The following STK3 variants were observed in gnomAD, a reference collection of about 807,000 sequenced individuals.
STK3 encodes serine/threonine-protein kinase 3.
Under a neutral mutation model 58.0 loss-of-function variants are expected in STK3, and 41 were observed. The observed-to-expected ratio is 0.71, with a 90% CI of 0.55 to 0.92. The LOEUF is 0.92. STK3 is among the 40% of genes least tolerant of loss of function. The probability of loss-of-function intolerance (pLI) is 0.00; values close to 1 mark genes in which losing one functional copy is unlikely to be tolerated. For synonymous variants in STK3, 170 were observed against 191.0 expected, an observed-to-expected ratio of 0.89 and a Z score of 0.91; for missense variants, 479 against 602.7, an observed-to-expected ratio of 0.79 and a Z score of 2.15.
intron 3 of STK3, among the ~76,000 whole-genome samples, chr8:98,869,034 G>GGAAGGAAA (rs1837254885): frequency 2.2e-5 from 2 of 92,220 alleles, no homozygotes; most frequent in South Asian, 3.3e-4. Context: ...AAGGAAGGAA[G>GGAAGGAAA]GAAGGAAGGA....
intron 9 of STK3, among the ~76,000 whole-genome samples, chr8:98,546,405 G>T (rs1020741037): frequency 3.9e-5 from 6 of 152,142 alleles, no homozygotes; most frequent in Admixed American, 1.3e-4. Context: ...ATATGCTGAT[G>T]TTCAACTATA....
At chr8:98,367,354 T>A (rs1817574029), downstream of STK3, among the ~76,000 whole-genome samples, 1 of 152,032 alleles carries the variant, frequency 6.6e-6, no homozygotes, top group Non-Finnish European at 1.5e-5. Flanking sequence ...TGGGGGTGAG[T>A]GCTTAGGGAT....
At chr8:98,726,100 C>T (rs985647200) in intron 4 of STK3, among the ~76,000 whole-genome samples, 24 of 152,140 alleles carry the variant, frequency 1.6e-4, no homozygotes, top group Admixed American at 1.5e-3. Context: ...ACAGATCTGG[C>T]AATGACAGGC....
chr8:98,757,930 T>A (rs1326847627), intron 3 of STK3, among the ~76,000 whole-genome samples: 2 of 152,214 alleles, frequency 1.3e-5, no homozygotes, highest in African/African-American at 2.4e-5. Flanking sequence ...AAACATGATG[T>A]TGTTCATTCT....
At chr8:98,647,977 A>G (rs1820534525) in intron 6 of STK3, among the ~76,000 whole-genome samples, 1 of 152,182 alleles carries the variant, frequency 6.6e-6, no homozygotes, top group Admixed American at 6.5e-5. Context: ...ATGCACTGTC[A>G]GTATTCTACT....
rs1467031176 is a variant in STK3 at position 98,915,876 on chromosome 8, T to C, written c.-79+26502A>G. Among the ~76,000 whole-genome samples, 4 of 152,102 alleles carry C rather than the reference T, an allele frequency of 2.6e-5. No individual in the cohort carries two copies. The East Asian group carries it at 7.7e-4, about 29-fold the overall frequency. ...TCATATTTCCTTTACTAGTGACCAA[T>C]ATCATTTTACCTATCTATTTTAGGA... On this transcript the variant is annotated intron_variant, in intron 1 of 1. Transcript: ENST00000519420.
chr8:98,648,002 AT>A (rs1820537111), intron 6 of STK3, among the ~76,000 whole-genome samples: 1 of 152,170 alleles, frequency 6.6e-6, no homozygotes, highest in African/African-American at 2.4e-5. Flanking sequence ...CTTTATTCAA[AT>A]ACAAGCCTAT....
chr8:98,486,164 T>C (rs1822237903), intron 10 of STK3, among the ~76,000 whole-genome samples: 1 of 152,206 alleles, frequency 6.6e-6, no homozygotes, highest in African/African-American at 2.4e-5. Context: ...CTTTAACATA[T>C]AGTTTCCTTA....
In STK3 at chr8:98,511,967, T is replaced by A. The variant is rs556038752; in HGVS notation, c.1317+14775A>T. 6.5e-3 allele frequency among the ~76,000 whole-genome samples: 989 copies of A among 152,132 alleles called. 4 individuals are homozygous for A. The highest frequency in any genetic ancestry group is 9.2e-3 in the Non-Finnish European group (627 of 68,000). On this transcript the variant is annotated intron_variant, in intron 10 of 10. Coordinates refer to ENST00000419617, the MANE Select transcript of STK3 (RefSeq NM_006281.4). ...AATCCCACTTGCATAATTTTTTTTT[T>A]AAATTTTTTAATTATTATTACACTT...
chr8:98,456,025 A>G (rs747362828), intron 10 of STK3, 25 bp from the exon 11 acceptor site: 39 of 1,575,484 alleles, frequency 2.5e-5, no homozygotes, highest in South Asian at 8.1e-5. Context: ...AAAGATACCA[A>G]TACAATGAAA....
Position 98,818,538 on chromosome 8 carries a change from ATGTGTGTGTGTG to A in STK3, c.26+6965_26+6976del, listed in dbSNP as rs72513007. Reference sequence around the variant, plus strand: ...ATTAGCTGCCAATTATAAATTATAAATGTGTGTGTGTGTGTGTGTGTGTGTGTGTGTGTGTAT... The same window carrying A: ...ATTAGCTGCCAATTATAAATTATAAATGTGTGTGTGTGTGTGTGTGTGTAT... On this transcript the variant is annotated intron_variant, in intron 1 of 10. Coordinates refer to ENST00000419617, the MANE Select transcript of STK3 (RefSeq NM_006281.4). Among the ~76,000 whole-genome samples, 224 of 145,418 alleles carry A rather than the reference ATGTGTGTGTGTG, an allele frequency of 1.5e-3. 1 individual carries two copies. Among genetic ancestry groups the A allele is most frequent in the African/African-American group, 5.0e-3 (199 of 39,522 alleles).
At chr8:98,403,626 AG>A (rs1225733378) in intron 3 of STK3, among the ~76,000 whole-genome samples, 1 of 146,422 alleles carries the variant, frequency 6.8e-6, no homozygotes, top group African/African-American at 2.4e-5. Flanking sequence ...GCCCCTGGGG[AG>A]GGGGACAGGG....
intron 1 of STK3, among the ~76,000 whole-genome samples, chr8:98,382,883 C>T (rs1586543496): frequency 1.3e-5 from 2 of 152,198 alleles, no homozygotes; most frequent in South Asian, 4.1e-4. Flanking sequence ...GCTTGGGCTC[C>T]GTCCTGCATG....
intron 1 of STK3, among the ~76,000 whole-genome samples, chr8:98,929,971 G>C (rs763053787): frequency 6.6e-6 from 1 of 152,184 alleles, no homozygotes; most frequent in Non-Finnish European, 1.5e-5. Flanking sequence ...GTGCTAGCAT[G>C]CACTTTGATT....
the STK3 span, among the ~76,000 whole-genome samples, chr8:98,359,978 C>T: frequency 1.3e-5 from 2 of 152,142 alleles, no homozygotes; most frequent in South Asian, 2.1e-4. Flanking sequence ...GTAAACAGTG[C>T]TGGGGACGTT....
At chr8:98,784,834 G>A (rs1832357850) in intron 1 of STK3, among the ~76,000 whole-genome samples, 1 of 152,100 alleles carries the variant, frequency 6.6e-6, no homozygotes. Context: ...CTGTGCAGGG[G>A]GGCCCTCTCT....
At chr8:98,373,438 T>C (rs1347878237) in intron 2 of STK3, among the ~76,000 whole-genome samples, 1 of 152,244 alleles carries the variant, frequency 6.6e-6, no homozygotes, top group African/African-American at 2.4e-5. Flanking sequence ...GCTTATTCTC[T>C]TACATTCCTG....
At chr8:98,630,891 G>A (rs1458849029) in intron 6 of STK3, among the ~76,000 whole-genome samples, 4 of 151,512 alleles carry the variant, frequency 2.6e-5, no homozygotes, top group Non-Finnish European at 5.9e-5. Context: ...TGTTTTAAGA[G>A]ATAAACCTGA....
chr8:98,555,828 G>A (rs1044972463), intron 8 of STK3, among the ~76,000 whole-genome samples: 6 of 151,986 alleles, frequency 3.9e-5, no homozygotes, highest in African/African-American at 1.4e-4. Context: ...GGCTCAAAAC[G>A]GAGCTATGGT....
Sources: allele counts gnomAD v4.1 joint callset (sites outside exome capture counted in the v4.1 genomes callset), GRCh38; gene constraint gnomAD v4.1.1; transcripts MANE v1.5; gene names NCBI Gene and HGNC (gene_info 2026-07-23, HGNC 2026-07-21).